The following KAZN variants were observed in gnomAD, a reference collection of about 807,000 sequenced individuals.
KAZN encodes kazrin, periplakin interacting protein, also known as kazrin.
Under a neutral mutation model 87.4 loss-of-function variants are expected in KAZN, and 40 were observed. That is an observed-to-expected ratio of 0.46 (90% CI 0.36 to 0.60). The LOEUF (loss-of-function observed/expected upper bound fraction) is 0.60. Ranked by LOEUF, KAZN falls within the 20% of genes least tolerant of loss-of-function variation. KAZN has a pLI of 0.00. For synonymous variants in KAZN, 466 were observed against 458.3 expected, an observed-to-expected ratio of 1.02 and a Z score of -0.22; for missense variants, 898 against 1,073.9, an observed-to-expected ratio of 0.84 and a Z score of 2.29.
intron 1 of KAZN, among the ~76,000 whole-genome samples, chr1:14,823,002 C>G (rs897276738): frequency 1.3e-5 from 2 of 152,154 alleles, no homozygotes; most frequent in Admixed American, 6.5e-5. Flanking sequence ...GGAAGGGGGG[C>G]TTCCCAAAGA....
intron 2 of KAZN, among the ~76,000 whole-genome samples, chr1:14,992,902 C>T (rs1667488667): frequency 6.6e-6 from 1 of 151,986 alleles, no homozygotes; most frequent in Admixed American, 6.6e-5. Flanking sequence ...CCTCAGCCTC[C>T]CAAAGTGCTG....
chr1:14,738,172 T>G (rs962940087), intron 1 of KAZN, among the ~76,000 whole-genome samples: 2 of 152,124 alleles, frequency 1.3e-5, no homozygotes, highest in African/African-American at 4.8e-5. Flanking sequence ...AAATGACCAT[T>G]CTTGCTTCCA....
intron 2 of KAZN, among the ~76,000 whole-genome samples, chr1:14,278,184 A>C (rs1022847453): frequency 4.6e-5 from 7 of 151,966 alleles, no homozygotes; most frequent in East Asian, 1.9e-4. Flanking sequence ...AAAAAAAAAA[A>C]AAAAAACAGA....
intron 2 of KAZN, among the ~76,000 whole-genome samples, chr1:15,005,977 C>T (rs897066755): frequency 3.3e-5 from 5 of 152,060 alleles, no homozygotes; most frequent in Non-Finnish European, 7.4e-5. Flanking sequence ...GATGTGCAGG[C>T]AGCTCTTAGG....
At chr1:14,050,171 T>TAC (rs1642262593) in intron 1 of KAZN, among the ~76,000 whole-genome samples, 1 of 151,474 alleles carries the variant, frequency 6.6e-6, no homozygotes, top group African/African-American at 2.4e-5. Context: ...CGTGTGTGGG[T>TAC]GTGTGCGCAC....
chr1:14,444,773 CAT>C (rs962927641), intron 2 of KAZN, among the ~76,000 whole-genome samples: 12 of 152,196 alleles, frequency 7.9e-5, no homozygotes, highest in Non-Finnish European at 1.6e-4. Flanking sequence ...AAAGCTATCA[CAT>C]GTCTCACCTT....
intron 1 of KAZN, among the ~76,000 whole-genome samples, chr1:14,031,774 T>C (rs1021299290): frequency 2.0e-5 from 3 of 152,380 alleles, no homozygotes; most frequent in Non-Finnish European, 1.5e-5. Context: ...GGCAGGAGGA[T>C]TGACAGCATT....
chr1:14,481,934 T>C (rs1669106187), intron 2 of KAZN, among the ~76,000 whole-genome samples: 1 of 152,208 alleles, frequency 6.6e-6, no homozygotes, highest in Non-Finnish European at 1.5e-5. Flanking sequence ...GCAAACGGCA[T>C]GCCTGCATGG....
intron 2 of KAZN, among the ~76,000 whole-genome samples, chr1:14,367,095 G>A (rs1430875819): frequency 1.3e-5 from 2 of 152,172 alleles, no homozygotes; most frequent in African/African-American, 4.8e-5. Context: ...GAGGCGTGGT[G>A]GCACGCGCCT....
chr1:14,971,871 G>A lies in KAZN; in HGVS notation c.418+10996G>A, dbSNP rs192764363. 1.4e-4 allele frequency among the ~76,000 whole-genome samples: 22 copies of A among 152,040 alleles called. No homozygotes were observed. The East Asian group carries it at 4.1e-3, about 28-fold the overall frequency. ...GAAAGGCTGCAAGGTTGCTCTCTTG[G>A]CCACACCAGACAGAAGTTTTTCTTC... On this transcript the variant is annotated intron_variant, in intron 2 of 14. Coordinates refer to ENST00000376030, the MANE Select transcript of KAZN (RefSeq NM_201628.3).
intron 1 of KAZN, among the ~76,000 whole-genome samples, chr1:14,635,116 G>A (rs1478410162): frequency 2.0e-5 from 3 of 152,238 alleles, no homozygotes; most frequent in Non-Finnish European, 2.9e-5. Flanking sequence ...GTTTGTACTG[G>A]TGCAGACTAA....
chr1:14,881,400 TC>T (rs1557584132), intron 1 of KAZN, among the ~76,000 whole-genome samples: 1 of 152,134 alleles, frequency 6.6e-6, no homozygotes, highest in Non-Finnish European at 1.5e-5. Flanking sequence ...GAAGTGGAAA[TC>T]ATTTGAGGCT....
In KAZN at chr1:14,783,374, A is replaced by G. The variant is rs144250600; in HGVS notation, c.227-177310A>G. On this transcript the variant is annotated intron_variant, in intron 1 of 14. Coordinates refer to ENST00000376030, the MANE Select transcript of KAZN (RefSeq NM_201628.3). ...TGAGCCACTGCAAGAGGAAGAGCCC[A>G]CATGCAGAGAACTGATAAAAACCAA... Among the ~76,000 whole-genome samples, 810 of 152,244 alleles carry G rather than the reference A, an allele frequency of 5.3e-3. 9 individuals carry two copies. Among genetic ancestry groups the G allele is most frequent in the African/African-American group, 0.018 (768 of 41,550 alleles).
chr1:14,946,953 T>C (rs1661877434), intron 1 of KAZN, among the ~76,000 whole-genome samples: 1 of 152,130 alleles, frequency 6.6e-6, no homozygotes, highest in African/African-American at 2.4e-5. Flanking sequence ...GAAAGTTAGC[T>C]CTCCCGCCCG....
intron 1 of KAZN, among the ~76,000 whole-genome samples, chr1:14,102,940 G>C (rs1037108570): frequency 1.4e-5 from 2 of 146,582 alleles, no homozygotes; most frequent in African/African-American, 5.1e-5. Flanking sequence ...ACGGAGTCTT[G>C]CTCTGTCACC....
chr1:13,999,225 T>A (rs1639666920), intron 1 of KAZN, among the ~76,000 whole-genome samples: 1 of 152,114 alleles, frequency 6.6e-6, no homozygotes, highest in African/African-American at 2.4e-5. Flanking sequence ...GGTGTGCACC[T>A]GTAATCTCAG....
At chr1:13,972,461 A>G (rs1024534368) in intron 1 of KAZN, among the ~76,000 whole-genome samples, 2 of 152,120 alleles carry the variant, frequency 1.3e-5, no homozygotes, top group African/African-American at 4.8e-5. Context: ...GTCAGTTGCT[A>G]TGAGCCCAAC....
At chr1:14,414,559 T>C (rs1181267461) in intron 2 of KAZN, among the ~76,000 whole-genome samples, 1 of 152,170 alleles carries the variant, frequency 6.6e-6, no homozygotes, top group Non-Finnish European at 1.5e-5. Flanking sequence ...TTATTCAGCA[T>C]GATGCCAATG....
chr1:14,553,538 C>T (rs4233529), intron 2 of KAZN, among the ~76,000 whole-genome samples: 72,706 of 152,038 alleles, frequency 0.48, 20,198 homozygotes, highest in East Asian at 0.9. Flanking sequence ...GGGCGCAAAT[C>T]CCATTTTTCA....
Sources: allele counts gnomAD v4.1 joint callset (sites outside exome capture counted in the v4.1 genomes callset), GRCh38; gene constraint gnomAD v4.1.1; transcripts MANE v1.5; gene names NCBI Gene and HGNC (gene_info 2026-07-23, HGNC 2026-07-21).